The following CFAP299 variants were observed in gnomAD, a reference collection of about 807,000 sequenced individuals.
CFAP299 encodes the protein cilia and flagella associated protein 299.
A neutral mutation model predicts 27.0 loss-of-function variants in CFAP299; 21 were observed. The ratio of observed to expected loss-of-function variants is 0.78; its 90% confidence interval spans 0.55 to 1.12. The LOEUF (loss-of-function observed/expected upper bound fraction) is 1.12, where lower values mean the gene tolerates loss of function less well. Among genes scored for constraint, CFAP299 ranks in the 50% most tolerant of loss-of-function variants. The pLI is 0.00. For synonymous variants in CFAP299, 104 were observed against 98.1 expected, an observed-to-expected ratio of 1.06 and a Z score of -0.36; for missense variants, 310 against 276.6, an observed-to-expected ratio of 1.12 and a Z score of -0.86.
At chr4:80,408,702 G>A (rs1039348043) in intron 2 of CFAP299, among the ~76,000 whole-genome samples, 3 of 151,920 alleles carry the variant, frequency 2.0e-5, no homozygotes, top group African/African-American at 7.3e-5. Context: ...CCTAAGTTAT[G>A]TACTGCCATT....
chr4:80,554,563 G>A (rs1302273839), intron 2 of CFAP299, among the ~76,000 whole-genome samples: 1 of 142,326 alleles, frequency 7.0e-6, no homozygotes, highest in Admixed American at 7.2e-5. Flanking sequence ...GGTAGAAATA[G>A]CATTGAATCT....
intron 3 of CFAP299, among the ~76,000 whole-genome samples, chr4:80,669,149 CTTTT>C (rs869091451): frequency 5.8e-5 from 1 of 17,144 alleles, no homozygotes; most frequent in Non-Finnish European, 1.1e-4. Context: ...TTCTTTCTTT[CTTTT>C]TTTTTTTTTT....
chr4:80,830,614 A>T (rs2110131128), intron 3 of CFAP299, among the ~76,000 whole-genome samples: 1 of 152,180 alleles, frequency 6.6e-6, no homozygotes, highest in East Asian at 1.9e-4. Context: ...AAACTATCTC[A>T]AGGGCAGGAG....
At chr4:80,857,071 T>C (rs975586685) in intron 3 of CFAP299, among the ~76,000 whole-genome samples, 3 of 152,180 alleles carry the variant, frequency 2.0e-5, no homozygotes, top group Non-Finnish European at 4.4e-5. Context: ...GTATCCTCTT[T>C]TATTTCACTG....
intron 3 of CFAP299, among the ~76,000 whole-genome samples, chr4:80,853,687 A>G (rs925578925): frequency 7.9e-5 from 12 of 152,200 alleles, no homozygotes; most frequent in African/African-American, 1.9e-4. Context: ...AACAGACTAT[A>G]TATGTTGAAG....
intron 3 of CFAP299, among the ~76,000 whole-genome samples, chr4:80,666,167 C>T (rs1272388144): frequency 6.6e-6 from 1 of 152,114 alleles, no homozygotes; most frequent in South Asian, 2.1e-4. Context: ...TCATCATTTA[C>T]GTTTTTGTCT....
At chr4:80,738,431 T>C (rs369656556) in intron 3 of CFAP299, among the ~76,000 whole-genome samples, 94 of 152,142 alleles carry the variant, frequency 6.2e-4, no homozygotes, top group African/African-American at 1.8e-3. Flanking sequence ...TGTTTATGAA[T>C]TTAAGATCAC....
chr4:80,626,275 G>C (rs762755838), intron 3 of CFAP299, among the ~76,000 whole-genome samples: 3 of 151,770 alleles, frequency 2.0e-5, no homozygotes, highest in Non-Finnish European at 3.0e-5. Flanking sequence ...AAATGCTCTT[G>C]AACAACTAAT....
At chr4:80,493,590 A>G (rs1030923502) in intron 2 of CFAP299, among the ~76,000 whole-genome samples, 61 of 152,202 alleles carry the variant, frequency 4.0e-4, no homozygotes, top group African/African-American at 1.3e-3. Flanking sequence ...TTTATGAGGA[A>G]GTTAAGTTTA....
chr4:80,738,401 C>A (rs77178092), intron 3 of CFAP299, among the ~76,000 whole-genome samples: 68 of 152,118 alleles, frequency 4.5e-4, no homozygotes, highest in African/African-American at 1.6e-3. Context: ...CTTTATATAT[C>A]GGCTTGGACC....
chr4:80,777,102 A>G (rs1179411730), intron 3 of CFAP299, among the ~76,000 whole-genome samples: 1 of 152,044 alleles, frequency 6.6e-6, no homozygotes, highest in Non-Finnish European at 1.5e-5. Context: ...CCCAGATTGC[A>G]GTTTTCAGGT....
chr4:80,329,082 C>T, the CFAP299 span, among the ~76,000 whole-genome samples: 1 of 151,608 alleles, frequency 6.6e-6, no homozygotes, highest in African/African-American at 2.4e-5. Context: ...TCTTTTTTTG[C>T]GATTTTTCTT....
chr4:80,918,302 A>G (rs1206033030), intron 4 of CFAP299, among the ~76,000 whole-genome samples: 1 of 152,204 alleles, frequency 6.6e-6, no homozygotes, highest in African/African-American at 2.4e-5. Context: ...TCTAGTTCAC[A>G]TGGCTGTGAA....
At chr4:80,560,138 C>T (rs1381368158) in intron 2 of CFAP299, among the ~76,000 whole-genome samples, 1 of 151,930 alleles carries the variant, frequency 6.6e-6, no homozygotes, top group Non-Finnish European at 1.5e-5. Context: ...GATACCAGCT[C>T]AGCCACAGGA....
intron 2 of CFAP299, among the ~76,000 whole-genome samples, chr4:80,571,340 A>T (rs542484307): frequency 2.6e-5 from 4 of 151,996 alleles, no homozygotes; most frequent in Non-Finnish European, 5.9e-5. Flanking sequence ...TTTTGTGGTT[A>T]TCTGGCTTGA....
chr4:80,904,853 A>T (rs772099464), intron 4 of CFAP299, among the ~76,000 whole-genome samples: 3 of 152,232 alleles, frequency 2.0e-5, no homozygotes, highest in Non-Finnish European at 4.4e-5. Context: ...AAACTCTGAG[A>T]TGTATGTCAT....
At chr4:80,882,969 T>A (rs374987132) in intron 4 of CFAP299, among the ~76,000 whole-genome samples, 13 of 152,064 alleles carry the variant, frequency 8.5e-5, no homozygotes, top group East Asian at 5.8e-4. Context: ...TGAAAATACA[T>A]AAAATTATAA....
At chr4:80,767,040 C>CAGTGAATG (rs1424222258) in intron 3 of CFAP299, among the ~76,000 whole-genome samples, 1 of 152,134 alleles carries the variant, frequency 6.6e-6, no homozygotes, top group Non-Finnish European at 1.5e-5. Context: ...CCAAGACCCT[C>CAGTGAATG]AGTGAATGCC....
chr4:80,680,729 A>T (rs550588603), intron 3 of CFAP299, among the ~76,000 whole-genome samples: 67 of 152,316 alleles, frequency 4.4e-4, no homozygotes, highest in Middle Eastern at 3.4e-3. Flanking sequence ...TTTAACCTTC[A>T]TTTAGCATTA....
Sources: allele counts gnomAD v4.1 joint callset (sites outside exome capture counted in the v4.1 genomes callset), GRCh38; gene constraint gnomAD v4.1.1; transcripts MANE v1.5; gene names NCBI Gene and HGNC (gene_info 2026-07-23, HGNC 2026-07-21).